The following PLEKHA8 variants were observed in gnomAD, a reference collection of about 807,000 sequenced individuals.
The protein encoded by PLEKHA8 is pleckstrin homology domain containing A8, also known as pleckstrin homology domain-containing family A member 8.
A neutral mutation model predicts 68.2 loss-of-function variants in PLEKHA8; 36 were observed. The ratio of observed to expected loss-of-function variants is 0.53; its 90% CI spans 0.40 to 0.70. PLEKHA8 has a LOEUF of 0.70. Ranked by LOEUF, PLEKHA8 falls within the 30% of genes least tolerant of loss-of-function variation. The probability of loss-of-function intolerance (pLI) is 0.00; values close to 1 mark genes in which losing one functional copy is unlikely to be tolerated. For synonymous variants in PLEKHA8, 211 were observed against 216.1 expected, an observed-to-expected ratio of 0.98 and a Z score of 0.20; for missense variants, 505 against 615.4, an observed-to-expected ratio of 0.82 and a Z score of 1.90.
At chr7:30,063,950 G>GGTCTCAGTTATA (rs59555992) in intron 12 of PLEKHA8, among the ~76,000 whole-genome samples, 21,884 of 152,040 alleles carry the variant, frequency 0.14, 1,608 homozygotes, top group Middle Eastern at 0.18. Context: ...ATTTCAGGAT[G>GGTCTCAGTTATA]GTCTCAGTTA....
chr7:30,062,731 A>G lies in PLEKHA8; in HGVS notation c.1289A>G (p.Gln430Arg). The G allele has an allele frequency of 6.2e-7, 1 of 1,613,028 alleles. No homozygotes were observed. ...GTGAAAAATGGGGAGAAGGATATCC[A>G]GACAGCCCTAAGTAAGTGTTCTTTA... is the stretch of plus-strand genomic sequence containing the variant. ...TEVKNGEKDI[Q>R]TALNNAYGKT... is the part of the protein sequence containing the mutation. Residue 430 changes from glutamine (Q) to arginine (R), a missense_variant, in exon 12 of 14, where the codon CAG (glutamine) becomes CGG (arginine). Coordinates refer to ENST00000449726, the MANE Select transcript of PLEKHA8 (RefSeq NM_001197026.2).
intron 1 of PLEKHA8, among the ~76,000 whole-genome samples, chr7:30,032,849 T>C (rs1790768629): frequency 6.6e-6 from 1 of 152,248 alleles, no homozygotes; most frequent in Non-Finnish European, 1.5e-5. Context: ...AGGGCTGCTG[T>C]TGTGAACTCC....
intron 13 of PLEKHA8, among the ~76,000 whole-genome samples, chr7:30,127,699 C>G (rs1390585653): frequency 6.6e-6 from 1 of 152,094 alleles, no homozygotes; most frequent in Non-Finnish European, 1.5e-5. Flanking sequence ...CTTTGAGCTC[C>G]TATATAGAAC....
rs118008129 is a variant in PLEKHA8, at chr7:30,113,659, A to G, written c.1363-15607A>G. 1.5e-4 allele frequency among the ~76,000 whole-genome samples: 23 copies of G among 152,206 alleles called. No homozygotes were observed. In the East Asian group the frequency reaches 4.2e-3, roughly 28 times the overall value. On this transcript the variant is annotated intron_variant, in intron 13 of 13. Transcript: ENST00000396257. ...TCTCTTTGAATACTACCACCTCACT[A>G]TTCTCCCTATTACTGTTTCTGGAAT...
At chr7:30,034,618 A>G (rs1418544090) in intron 1 of PLEKHA8, among the ~76,000 whole-genome samples, 2 of 152,180 alleles carry the variant, frequency 1.3e-5, no homozygotes, top group Non-Finnish European at 2.9e-5. Flanking sequence ...CATTAAGTGG[A>G]AGTGGGTCAT....
chr7:30,127,858 T>C (rs1796801672), intron 13 of PLEKHA8, among the ~76,000 whole-genome samples: 1 of 152,256 alleles, frequency 6.6e-6, no homozygotes, highest in African/African-American at 2.4e-5. Flanking sequence ...AAAAGTGTAG[T>C]ACATTGAATT....
intron 9 of PLEKHA8, among the ~76,000 whole-genome samples, chr7:30,056,237 C>G (rs975143901): frequency 6.9e-6 from 1 of 145,190 alleles, no homozygotes; most frequent in Non-Finnish European, 1.5e-5. Flanking sequence ...GCCACCACGC[C>G]CGGCCTGCAA....
intron 13 of PLEKHA8, among the ~76,000 whole-genome samples, chr7:30,111,008 A>AAG (rs1176711052): frequency 1.3e-5 from 2 of 151,144 alleles, no homozygotes; most frequent in Non-Finnish European, 2.9e-5. Flanking sequence ...GGGCTCAAGC[A>AAG]ATTCTCCTGC....
At position 30,082,324 on chromosome 7, in the gene PLEKHA8, C is replaced by T. The variant is rs1794976542; in HGVS notation, c.*3537C>T. The T allele has an allele frequency of 1.0e-6, 1 of 985,394 alleles. No individual in the cohort carries two copies. The highest frequency in any genetic ancestry group is 1.7e-5 in the African/African-American group (1 of 57,230). The allele number at this position is 985,394 out of a possible 1,614,324, so 61.0% of individuals were successfully genotyped here. ...ACCGCCATCAGCACACCAAATCTAC[C>T]CCCACTTATGTTTGTTCTGCCCCAT... On this transcript the variant is annotated 3_prime_UTR_variant, in exon 14 of 14. Coordinates refer to ENST00000449726, the MANE Select transcript of PLEKHA8 (RefSeq NM_001197026.2).
chr7:30,039,587 G>A (rs939530885), intron 1 of PLEKHA8, among the ~76,000 whole-genome samples: 1 of 152,144 alleles, frequency 6.6e-6, no homozygotes, highest in African/African-American at 2.4e-5. Flanking sequence ...TATCGTAAAT[G>A]GATTTGTTTT....
intron 1 of PLEKHA8, among the ~76,000 whole-genome samples, chr7:30,033,360 C>G (rs1790807245): frequency 6.6e-6 from 1 of 152,194 alleles, no homozygotes; most frequent in African/African-American, 2.4e-5. Context: ...AGATTTGCCT[C>G]TTCTAGGCAG....
At chr7:30,097,811 A>G (rs374742430) in intron 13 of PLEKHA8, among the ~76,000 whole-genome samples, 1 of 152,112 alleles carries the variant, frequency 6.6e-6, no homozygotes, top group Admixed American at 6.5e-5. Context: ...CTTCTGAAGC[A>G]TTCTTCTCTC....
Position 30,082,447 on chromosome 7 carries a change from C to T in PLEKHA8, c.*3660C>T, listed in dbSNP as rs1027149258. ...AGTGGGGATTCTGTTCCCCCACCCC[C>T]CAGACTGCAAGAGCTTCTTAAGAAG... On this transcript the variant is annotated 3_prime_UTR_variant, in exon 14 of 14. Coordinates refer to ENST00000449726, the MANE Select transcript of PLEKHA8 (RefSeq NM_001197026.2). 5 of 985,248 alleles carry T rather than the reference C, an allele frequency of 5.1e-6. No homozygotes were observed. Among genetic ancestry groups the T allele is most frequent in the Non-Finnish European group, 6.0e-6 (5 of 829,948 alleles). The allele number at this position is 985,248 out of a possible 1,614,324, so 61.0% of individuals were successfully genotyped here. A position where few individuals can be genotyped will look rare whatever the true frequency, so the allele number is the denominator to read the frequency against.
At chr7:30,115,621 C>T (rs1327759323) in intron 13 of PLEKHA8, among the ~76,000 whole-genome samples, 2 of 149,642 alleles carry the variant, frequency 1.3e-5, no homozygotes, top group African/African-American at 2.5e-5. Flanking sequence ...TACATGCACA[C>T]ATACATGTAC....
At chr7:30,070,686 C>T (rs966286930) in intron 12 of PLEKHA8, among the ~76,000 whole-genome samples, 8 of 151,860 alleles carry the variant, frequency 5.3e-5, no homozygotes, top group Admixed American at 3.9e-4. Flanking sequence ...GCTGGGATTA[C>T]GGGCACCCAC....
chr7:30,066,150 A>G (rs1448445743), intron 12 of PLEKHA8, among the ~76,000 whole-genome samples: 2 of 152,258 alleles, frequency 1.3e-5, no homozygotes, highest in Non-Finnish European at 2.9e-5. Flanking sequence ...GAAATTAGTT[A>G]TAGCATCAGT....
intron 1 of PLEKHA8, among the ~76,000 whole-genome samples, chr7:30,031,839 A>T (rs551382708): frequency 6.6e-6 from 1 of 152,188 alleles, no homozygotes; most frequent in Non-Finnish European, 1.5e-5. Context: ...TTAATTACTG[A>T]AAGTTAGAAT....
In PLEKHA8 at chr7:30,112,515, C is replaced by G. The variant is rs187032353; in HGVS notation, c.1363-16751C>G. 6.6e-5 allele frequency among the ~76,000 whole-genome samples: 10 copies of G among 152,020 alleles called. No individual in the cohort carries two copies. In the East Asian group the frequency reaches 1.7e-3, roughly 26 times the overall value. ...TAAAATCTGAGGGATGTAGCTAAAG[C>G]AGAACTTGAGTCATTTGTGGGTTTA... On this transcript the variant is annotated intron_variant, in intron 13 of 13. Transcript: ENST00000396257.
In PLEKHA8 at chr7:30,054,767, C is replaced by A; in HGVS notation, c.855C>A (p.Asn285Lys). The A allele has an allele frequency of 6.2e-7, 1 of 1,606,130 alleles. No individual in the cohort carries two copies. The highest frequency in any genetic ancestry group is 8.5e-7 in the Non-Finnish European group (1 of 1,175,290). Residue 285 changes from asparagine to lysine, a missense_variant, in exon 8 of 14, where the codon AAC becomes AAA. Asn to Lys is a moderately conservative substitution (Grantham distance 94). Transcript: ENST00000449726. ...AAAACCTGAAAAATCATGACAATAACTTGACTCAGTCTGGATCAGACTCAA... is the reference window on the plus strand; with the variant it reads ...AAAACCTGAAAAATCATGACAATAAATTGACTCAGTCTGGATCAGACTCAA... The part of the protein sequence containing the change: ...GMENLKNHDN[N>K]LTQSGSDSSC...
Sources: allele counts gnomAD v4.1 joint callset (sites outside exome capture counted in the v4.1 genomes callset), GRCh38; gene constraint gnomAD v4.1.1; transcripts MANE v1.5; gene names NCBI Gene and HGNC (gene_info 2026-07-23, HGNC 2026-07-21).